LAS1L: variants seen among roughly 807,000 people sequenced by gnomAD.
The protein encoded by LAS1L is ribosomal biogenesis protein LAS1L.
Under a neutral mutation model 57.3 loss-of-function variants are expected in LAS1L, and 5 were observed. The ratio of observed to expected loss-of-function variants is 0.09; its 90% CI spans 0.05 to 0.18. LAS1L has a LOEUF of 0.18. Among genes scored for constraint, LAS1L ranks in the 10% least tolerant of loss-of-function variants. LAS1L has a pLI of 1.00. For missense variants in LAS1L, 360 were observed against 568.3 expected, an observed-to-expected ratio of 0.63 and a Z score of 3.73; for synonymous variants, 245 against 231.7, an observed-to-expected ratio of 1.06 and a Z score of -0.52.
chrX:65,533,810 T>G, intron 1 of LAS1L, 75 bp from the exon 2 acceptor site: 1 of 1,080,203 alleles, frequency 9.3e-7, no homozygotes, highest in Non-Finnish European at 1.3e-6. Context: ...ACCTAGGTTG[T>G]TGCAGGCTAC....
chrX:65,518,616 A>T (rs1602587633), intron 11 of LAS1L, 151 bp from the exon 12 acceptor site: 1 of 920,968 alleles, frequency 1.1e-6, no homozygotes, highest in East Asian at 3.4e-5. Flanking sequence ...AAACAACAGG[A>T]CCATGGACCC....
At chrX:65,520,800 G>A (rs2068818552) in intron 11 of LAS1L, 1 of 754,541 alleles carries the variant, frequency 1.3e-6, no homozygotes, top group African/African-American at 2.3e-5. Flanking sequence ...GAGACCAGCA[G>A]CTTCCACTCT....
chrX:65,513,710 T>C (rs1424355585), intron 13 of LAS1L, among the ~76,000 whole-genome samples: 2 of 112,396 alleles, frequency 1.8e-5, no homozygotes, highest in African/African-American at 6.5e-5. Context: ...GAAACGTCCC[T>C]ACTACAGTGG....
intron 1 of LAS1L, among the ~76,000 whole-genome samples, chrX:65,534,124 T>C (rs1392702395): frequency 5.4e-5 from 6 of 111,870 alleles, no homozygotes; most frequent in Non-Finnish European, 9.4e-5. Context: ...CAAGACTTCC[T>C]CCCCATTGGA....
Position 65,525,106 on chromosome X carries a change from A to G in LAS1L, c.957-56T>C, listed in dbSNP as rs1220696077. ...TGATGCTGGCAGAAGACCCTCTCCTACTCCTCCACCCACCTCCAAAGCAGC... is the reference window on the plus strand; with the variant it reads ...TGATGCTGGCAGAAGACCCTCTCCTGCTCCTCCACCCACCTCCAAAGCAGC... On this transcript the variant is annotated intron_variant, in intron 7 of 13. Transcript: ENST00000374811. 7 of 967,858 alleles carry G rather than the reference A, an allele frequency of 7.2e-6. No individual in the cohort carries two copies. The Admixed American group carries it at 1.7e-4, about 24-fold the overall frequency. The allele number at this position is 967,858 out of a possible 1,213,427, so 79.8% of individuals were successfully genotyped here. A position where few individuals can be genotyped will look rare whatever the true frequency, so the allele number is the denominator to read the frequency against.
chrX:65,517,655 T>A (rs2068698715), intron 12 of LAS1L, among the ~76,000 whole-genome samples: 2 of 112,238 alleles, frequency 1.8e-5, no homozygotes, highest in Non-Finnish European at 3.8e-5. Context: ...TCACTGCAAG[T>A]GAAAAACACG....
Position 65,512,837 on chromosome X carries a change from C to T in LAS1L, c.2143G>A (p.Glu715Lys), listed in dbSNP as rs868126580. 8.6e-7 allele frequency: 1 copy of T among 1,167,847 alleles called. No homozygotes were observed. Among genetic ancestry groups the T allele is most frequent in the Non-Finnish European group, 1.1e-6 (1 of 873,016 alleles). ...TGCCCCTGGCTCCAGAGAAGGCCCT[C>T]GAAGTTGCTGCTGCTGCTGTTGCTG... Reference protein sequence around the residue: ...NCSNSSSSNFEGLLWSQGQLH... With the variant: ...NCSNSSSSNFKGLLWSQGQLH... The change falls in exon 14 of 14, where the codon GAG (glutamate) becomes AAG (lysine). Residue 715 changes from glutamate to lysine, a missense_variant. Glu to Lys is a moderately conservative substitution (Grantham distance 56). Transcript: ENST00000374811.
Position 65,518,218 on chromosome X carries a change from C to G in LAS1L, c.1696G>C (p.Glu566Gln). ...EEQGSVNDVK[E>Q]EEKEEKEVLP... ...ACCTCTTTCTCCTCCTTCTCCTCTT[C>G]CTTGACATCATTAACACTGCCCTGC... is the stretch of plus-strand genomic sequence containing the variant. Residue 566 changes from glutamate to glutamine, a missense_variant, in exon 12 of 14, where the codon GAA (glutamate) becomes CAA (glutamine). By Grantham distance (29) the Glu-to-Gln change is conservative (BLOSUM62 2). This residue lies in a region of LAS1L where 123 missense variants were observed against 168.3 expected (regional missense o/e 0.73). Transcript: ENST00000374811. 8.3e-7 allele frequency: 1 copy of G among 1,211,914 alleles called. No individual in the cohort carries two copies. The highest frequency in any genetic ancestry group is 1.1e-6 in the Non-Finnish European group (1 of 895,393).
rs565077547 is a variant in LAS1L at position 65,524,123 on chromosome X, G to T, written c.1233C>A (p.Ile411=). ...RMLSELPALG[I]SGIRPTYILR... ...GGATGTAGGTAGGCCGGATCCCGCT[G>T]ATCCCCAAGGCTGGCAGTTCAGAGA... The change falls in exon 10 of 14, where the codon ATC becomes ATA. Residue 411 remains isoleucine, a synonymous_variant. Transcript: ENST00000374811. 4.5e-5 allele frequency: 54 copies of T among 1,209,533 alleles called. No individual in the cohort carries two copies. In the East Asian group the frequency reaches 1.6e-3, roughly 36 times the overall value.
At chrX:65,527,874 T>C (rs774030883) in intron 7 of LAS1L, among the ~76,000 whole-genome samples, 1 of 111,374 alleles carries the variant, frequency 9.0e-6, no homozygotes, top group East Asian at 2.8e-4. Context: ...AAGACAAGAC[T>C]AGCAGTGCCC....
intron 12 of LAS1L, among the ~76,000 whole-genome samples, chrX:65,517,438 A>C (rs2068686250): frequency 9.2e-6 from 1 of 108,948 alleles, no homozygotes; most frequent in African/African-American, 3.3e-5. Context: ...TTTTTAGTAG[A>C]GACACGGTTT....
At chrX:65,533,079 G>A (rs925983927) in intron 2 of LAS1L, among the ~76,000 whole-genome samples, 3 of 110,950 alleles carry the variant, frequency 2.7e-5, no homozygotes, top group African/African-American at 9.8e-5. Flanking sequence ...CTTTTTTTCC[G>A]ACGTGTATAC....
intron 7 of LAS1L, among the ~76,000 whole-genome samples, chrX:65,526,307 C>T (rs1569440000): frequency 4.5e-5 from 5 of 111,409 alleles, no homozygotes; most frequent in Admixed American, 3.8e-4. Context: ...CAAGCCTAGA[C>T]GTGGAAAAAA....
chrX:65,529,183 A>G (rs2069336118), intron 6 of LAS1L, 29 bp downstream of exon 6: 6 of 1,156,279 alleles, frequency 5.2e-6, no homozygotes, highest in Non-Finnish European at 7.1e-6. Context: ...GGCAGATGAG[A>G]GCACACCAAG....
chrX:65,514,533 TGC>T (rs1491347619), intron 13 of LAS1L, among the ~76,000 whole-genome samples: 1 of 27,292 alleles, frequency 3.7e-5, no homozygotes, highest in East Asian at 1.1e-3. Flanking sequence ...TGTGTGTGCC[TGC>T]ACACACACAC....
chrX:65,528,221 C>G, intron 7 of LAS1L, 39 bp downstream of exon 7: 2 of 882,220 alleles, frequency 2.3e-6, no homozygotes, highest in Non-Finnish European at 3.3e-6. Context: ...TACCCTCTAT[C>G]CTAGAGAATA....
chrX:65,514,433 G>T (rs2068552563), intron 13 of LAS1L, among the ~76,000 whole-genome samples: 1 of 110,291 alleles, frequency 9.1e-6, no homozygotes, highest in South Asian at 3.9e-4. Context: ...GAAAAAGCTG[G>T]ATGAGAGCAT....
intron 2 of LAS1L, 33 bp downstream of exon 2, chrX:65,533,577 C>A (rs764395490): frequency 3.1e-5 from 37 of 1,199,817 alleles, no homozygotes; most frequent in Non-Finnish European, 4.0e-5. Context: ...GTCCCCAAAG[C>A]CAACCTCCAC....
At chrX:65,519,489 G>T (rs894118099) in intron 11 of LAS1L, among the ~76,000 whole-genome samples, 5 of 112,065 alleles carry the variant, frequency 4.5e-5, no homozygotes, top group East Asian at 2.8e-4. Context: ...GGAGATGGGA[G>T]GGAGTGAAGC....
Sources: gnomAD v4.1 joint callset for allele counts (sites outside exome capture counted in the v4.1 genomes callset) on GRCh38, gnomAD v4.1.1 for gene constraint, gnomAD v4.1.1 regional missense constraint, MANE v1.5 for transcripts, NCBI Gene and HGNC (gene_info 2026-07-23, HGNC 2026-07-21) for gene names.